SIPA1: variants seen among roughly 807,000 people sequenced by gnomAD.
SIPA1 encodes signal-induced proliferation-associated 1.
A neutral mutation model predicts 88.1 loss-of-function variants in SIPA1; 51 were observed. The observed-to-expected ratio is 0.58, with a 90% CI of 0.46 to 0.73. The LOEUF (loss-of-function observed/expected upper bound fraction) is 0.73. SIPA1 is among the 30% of genes least tolerant of loss of function. The pLI is 0.00. For missense variants in SIPA1, 1,348 were observed against 1,467.6 expected (o/e 0.92, Z 1.33); for synonymous variants, 681 against 664.8 (o/e 1.02, Z -0.37).
At chr11:65,650,251 C>A in intron 14 of SIPA1, 59 bp downstream of exon 14, 1 of 1,583,502 alleles carries the variant, frequency 6.3e-7, no homozygotes, top group Non-Finnish European at 8.7e-7. Flanking sequence ...CCCTTCGTGC[C>A]TGTCTGCTGG....
In SIPA1 at chr11:65,644,992, G is replaced by T. The variant is rs146916012; in HGVS notation, c.1022G>T (p.Arg341Leu). 1.2e-6 allele frequency: 2 copies of T among 1,613,792 alleles called. No homozygotes were observed. The highest frequency in any genetic ancestry group is 1.7e-5 in the Admixed American group (1 of 59,976). Residue 341 changes from arginine (R) to leucine (L), a missense_variant, in exon 5 of 16, where the codon CGG becomes CTG. Coordinates refer to ENST00000534313, the MANE Select transcript of SIPA1 (RefSeq NM_006747.4). Reference sequence around the variant, plus strand: ...CGCAAGGTGGGCATCCTGTACTGCCGGGCGGGCCAGGGCTCGGAGGAGGAG... The same window carrying T: ...CGCAAGGTGGGCATCCTGTACTGCCTGGCGGGCCAGGGCTCGGAGGAGGAG... ...FQRKVGILYCRAGQGSEEEMY... is the reference protein window; with the variant it reads ...FQRKVGILYCLAGQGSEEEMY...
Position 65,647,559 on chromosome 11 carries a change from T to A in SIPA1, c.2207T>A (p.Leu736Gln). ...CTCCTGCGCGTGTGCGGCCAGACTC[T>A]GCCCAGCCTCCGGCCCGAGGCCGCT... ...ARLLRVCGQT[L>Q]PSLRPEAAAQ... The change falls in exon 9 of 16, where the codon CTG becomes CAG. Residue 736 changes from leucine (L) to glutamine (Q), a missense_variant. Around this residue, in one of 4 missense-constraint regions of SIPA1, gnomAD observed 615 missense variants for 559.8 expected, o/e 1.10. Coordinates refer to ENST00000534313, the MANE Select transcript of SIPA1 (RefSeq NM_006747.4). 1 of 1,326,898 alleles carries A rather than the reference T, an allele frequency of 7.5e-7. No individual in the cohort carries two copies. The highest frequency in any genetic ancestry group is 9.6e-7 in the Non-Finnish European group (1 of 1,040,454). The allele number at this position is 1,326,898 out of a possible 1,614,324, so 82.2% of individuals were successfully genotyped here.
At chr11:65,641,708 C>A in intron 2 of SIPA1, 108 bp downstream of exon 2, 1 of 1,081,196 alleles carries the variant, frequency 9.2e-7, no homozygotes, top group Non-Finnish European at 1.3e-6. Flanking sequence ...CCTGTAAAGT[C>A]CCTGGCCCTG....
rs200729265 is a variant in SIPA1, at chr11:65,646,361, G to T, written c.1404G>T (p.Thr468=). ...TGGTGCGGGCACACACACCCTGCACGCCACACACCACCTACAGGTGGGCAC... is the reference window on the plus strand; with the variant it reads ...TGGTGCGGGCACACACACCCTGCACTCCACACACCACCTACAGGTGGGCAC... ...FLVVRAHTPC[T]PHTTYRVAVS... The change falls in exon 7 of 16, where the codon ACG becomes ACT. Residue 468 remains threonine, a synonymous_variant. Transcript: ENST00000534313. This position sits in a 1 kb window ranked among gnomAD's most constrained non-coding sequence, Gnocchi z 7.5. 1.9e-6 allele frequency: 3 copies of T among 1,611,744 alleles called. No homozygotes were observed. Among genetic ancestry groups the T allele is most frequent in the Non-Finnish European group, 2.5e-6 (3 of 1,179,972 alleles).
chr11:65,646,200 C>T lies in SIPA1; in HGVS notation c.1264-21C>T. 2 of 1,612,372 alleles carry T rather than the reference C, an allele frequency of 1.2e-6. No homozygotes were observed. Among genetic ancestry groups the T allele is most frequent in the Non-Finnish European group, 1.7e-6 (2 of 1,179,292 alleles). ...GGGGCACAGAAGACCTCATCACGAG[C>T]CCCTACTATCCAACCCCTAGCTCCT... On this transcript the variant is annotated intron_variant, in intron 6 of 15. Transcript: ENST00000534313. This position sits in a 1 kb window ranked among gnomAD's most constrained non-coding sequence, Gnocchi z 7.5.
chr11:65,642,196 G>A lies in SIPA1; in HGVS notation c.680-54G>A. ...CTTAGTGATGCGCGTGGTCGAGCGG[G>A]GGCGGGGCTGCCAGAGGGCGGGACC... is the stretch of plus-strand genomic sequence containing the variant. On this transcript the variant is annotated intron_variant, in intron 2 of 15. Transcript: ENST00000534313. This position sits in a 1 kb window ranked among gnomAD's most constrained non-coding sequence, Gnocchi z 6.5. 6.5e-7 allele frequency: 1 copy of A among 1,534,976 alleles called. No individual in the cohort carries two copies. The highest frequency in any genetic ancestry group is 8.8e-7 in the Non-Finnish European group (1 of 1,142,712).
chr11:65,640,985 G>T lies in SIPA1; in HGVS notation c.64G>T (p.Asp22Tyr). 6.3e-7 allele frequency: 1 copy of T among 1,584,888 alleles called. No homozygotes were observed. The highest frequency in any genetic ancestry group is 1.8e-5 in the Admixed American group (1 of 56,776). ...GGGCATGGCCCCTGCGTCCACAGAT[G>T]ACCTCTTTGCCCGCAAGCTGCGCCA... ...RRGMAPASTD[D>Y]LFARKLRQPA... Residue 22 changes from aspartate to tyrosine, a missense_variant, in exon 2 of 16, where the codon GAC becomes TAC. This residue lies in a region of SIPA1 where 641 missense variants were observed against 797.7 expected (regional missense o/e 0.80). Coordinates refer to ENST00000534313, the MANE Select transcript of SIPA1 (RefSeq NM_006747.4).
chr11:65,645,948 C>G lies in SIPA1; in HGVS notation c.1254C>G (p.Asn418Lys), dbSNP rs368831022. The stretch of plus-strand genomic sequence containing the variant: ...CGATGCTGCCTTACACCCCTAATAA[C>G]CAGCAGCAGGTGTGAGGGGGACCAA... ...VSTMLPYTPN[N>K]QQQLLRKRHI... Residue 418 changes from asparagine (N) to lysine (K), a missense_variant, in exon 6 of 16, where the codon AAC becomes AAG. By Grantham distance (94) the Asn-to-Lys change is moderately conservative. Coordinates refer to ENST00000534313, the MANE Select transcript of SIPA1 (RefSeq NM_006747.4). The G allele has an allele frequency of 9.5e-5, 153 of 1,611,132 alleles. 4 individuals are homozygous for G. The highest frequency in any genetic ancestry group is 5.1e-4 in the East Asian group (23 of 44,806).
Position 65,645,897 on chromosome 11 carries a change from C to G in SIPA1, c.1203C>G (p.Asp401Glu). 6.2e-7 allele frequency: 1 copy of G among 1,613,770 alleles called. No homozygotes were observed. The highest frequency in any genetic ancestry group is 8.5e-7 in the Non-Finnish European group (1 of 1,179,788). ...GTHSLYTTYQ[D>E]HEIMFHVSTM... ...ACTCCCTCTACACCACATACCAGGA[C>G]CACGAGATCATGTTCCACGTGTCCA... Residue 401 changes from aspartate to glutamate, a missense_variant, in exon 6 of 16, where the codon GAC (aspartate) becomes GAG (glutamate). Coordinates refer to ENST00000534313, the MANE Select transcript of SIPA1 (RefSeq NM_006747.4).
chr11:65,649,230 G>T (rs1364198554), intron 9 of SIPA1, 32 bp from the exon 10 acceptor site: 1 of 1,440,254 alleles, frequency 6.9e-7, no homozygotes, highest in Non-Finnish European at 9.3e-7. Context: ...GGGGACTGGA[G>T]AAGTCCTGCC....
Position 65,642,035 on chromosome 11 carries a change from G to T in SIPA1, c.680-215G>T, listed in dbSNP as rs1438756836. ...AGGCAGGATTTAGGCCTGGGAGCTG[G>T]CCGCGTGGGTCTAGGTCTGGGTCTG... On this transcript the variant is annotated intron_variant, in intron 2 of 15. Coordinates refer to ENST00000534313, the MANE Select transcript of SIPA1 (RefSeq NM_006747.4). This position sits in a 1 kb window ranked among gnomAD's most constrained non-coding sequence, Gnocchi z 6.5. The T allele has an allele frequency of 3.2e-6, 2 of 632,526 alleles. No homozygotes were observed. The highest frequency in any genetic ancestry group is 5.2e-6 in the Non-Finnish European group (2 of 381,138). The allele number at this position is 632,526 out of a possible 1,614,324, so 39.2% of individuals were successfully genotyped here.
rs1340660745 is a variant in SIPA1 at position 65,649,350 on chromosome 11, A to C, written c.2395A>C (p.Thr799Pro). 2.6e-6 allele frequency: 4 copies of C among 1,562,670 alleles called. No individual in the cohort carries two copies. Among genetic ancestry groups the C allele is most frequent in the Non-Finnish European group, 3.5e-6 (4 of 1,153,480 alleles). The change falls in exon 10 of 16, where the codon ACC (threonine) becomes CCC (proline). Residue 799 changes from threonine (T) to proline (P), a missense_variant. Thr to Pro is a conservative substitution (Grantham distance 38). Coordinates refer to ENST00000534313, the MANE Select transcript of SIPA1 (RefSeq NM_006747.4). Reference protein sequence around the residue: ...DPVQDEVQGVTLLPTTKQLLH... With the variant: ...DPVQDEVQGVPLLPTTKQLLH... ...TGTGCAGGATGAGGTCCAGGGGGTG[A>C]CCCTGCTGCCCACCACAAAGCAGCT... is the stretch of plus-strand genomic sequence containing the variant.
Position 65,646,182 on chromosome 11 carries a change from A to C in SIPA1, c.1264-39A>C. 2.5e-6 allele frequency: 4 copies of C among 1,607,656 alleles called. No individual in the cohort carries two copies. The highest frequency in any genetic ancestry group is 2.5e-6 in the Non-Finnish European group (3 of 1,176,872). Reference sequence around the variant, plus strand: ...CTGAATGAGGAGGGGTTTGGGGCACAGAAGACCTCATCACGAGCCCCTACT... The same window carrying C: ...CTGAATGAGGAGGGGTTTGGGGCACCGAAGACCTCATCACGAGCCCCTACT... On this transcript the variant is annotated intron_variant, in intron 6 of 15. Transcript: ENST00000534313. This position sits in a 1 kb window ranked among gnomAD's most constrained non-coding sequence, Gnocchi z 7.5.
intron 9 of SIPA1, among the ~76,000 whole-genome samples, chr11:65,649,039 T>C (rs920503492): frequency 6.6e-6 from 1 of 152,146 alleles, no homozygotes; most frequent in African/African-American, 2.4e-5. Context: ...GATGGAGAAA[T>C]TGATGTTCAG....
Position 65,647,037 on chromosome 11 carries a change from C to T in SIPA1, c.2003C>T (p.Ala668Val). The T allele has an allele frequency of 1.3e-6, 2 of 1,544,568 alleles. No homozygotes were observed. Among genetic ancestry groups the T allele is most frequent in the Non-Finnish European group, 1.7e-6 (2 of 1,151,798 alleles). ...TLRFDGSPGQAVGEVVARLQL... is the reference protein window; with the variant it reads ...TLRFDGSPGQVVGEVVARLQL... ...CGCTTCGACGGGTCCCCCGGCCAAG[C>T]CGTGGGCGAGGTGGTGGCGCGCCTG... Residue 668 changes from alanine (A) to valine (V), a missense_variant, in exon 8 of 16, where the codon GCC (alanine) becomes GTC (valine). Around this residue, in one of 4 missense-constraint regions of SIPA1, gnomAD observed 615 missense variants for 559.8 expected, o/e 1.10. Transcript: ENST00000534313.
Position 65,646,330 on chromosome 11 carries a change from T to C in SIPA1, c.1373T>C (p.Phe458Ser), listed in dbSNP as rs141741345. 6.2e-7 allele frequency: 1 copy of C among 1,613,698 alleles called. No homozygotes were observed. Among genetic ancestry groups the C allele is most frequent in the African/African-American group, 1.3e-5 (1 of 74,896 alleles). Residue 458 changes from phenylalanine to serine, a missense_variant, in exon 7 of 16, where the codon TTC (phenylalanine) becomes TCC (serine). Phe to Ser is a radical substitution (Grantham distance 155). Around this residue, in one of 4 missense-constraint regions of SIPA1, gnomAD observed 641 missense variants for 797.7 expected, o/e 0.80. Coordinates refer to ENST00000534313, the MANE Select transcript of SIPA1 (RefSeq NM_006747.4). The surrounding 1 kb of genome is among the most constrained non-coding windows in gnomAD (Gnocchi z 7.5). ...ATCCGCTCGCACTTCCAGCACGTGTTCCTAGTGGTGCGGGCACACACACCC... is the reference window on the plus strand; with the variant it reads ...ATCCGCTCGCACTTCCAGCACGTGTCCCTAGTGGTGCGGGCACACACACCC... ...TTIRSHFQHVFLVVRAHTPCT... is the reference protein window; with the variant it reads ...TTIRSHFQHVSLVVRAHTPCT...
rs1856110157 is a variant in SIPA1, at chr11:65,646,209, T to C, written c.1264-12T>C. 6.2e-7 allele frequency: 1 copy of C among 1,613,324 alleles called. No individual in the cohort carries two copies. On this transcript the variant is annotated splice_polypyrimidine_tract_variant and intron_variant, in intron 6 of 15. Transcript: ENST00000534313. This position sits in a 1 kb window ranked among gnomAD's most constrained non-coding sequence, Gnocchi z 7.5. ...AAGACCTCATCACGAGCCCCTACTA[T>C]CCAACCCCTAGCTCCTCCGGAAGCG... is the stretch of plus-strand genomic sequence containing the variant.
rs1856215862 is a variant in SIPA1 at position 65,649,605 on chromosome 11, ACCT to A, written c.2577_2579del (p.Leu860del). ...CCAGTCCTGCCCAACACCACCCCGG[ACCT>A]CCTCCTGGCCACCACAGCCAAGCCA... On this transcript the variant is annotated inframe_deletion, in exon 11 of 16. Transcript: ENST00000534313. The A allele has an allele frequency of 1.2e-6, 2 of 1,613,614 alleles. No homozygotes were observed. The highest frequency in any genetic ancestry group is 1.7e-6 in the Non-Finnish European group (2 of 1,179,898).
Position 65,650,903 on chromosome 11 carries a change from A to C in SIPA1, c.*188A>C. Reference sequence around the variant, plus strand: ...TGGAGAAAAGAGGACTTCAGGGAGTAAAAAAGCCACTGATGTCTGTGTCTG... The same window carrying C: ...TGGAGAAAAGAGGACTTCAGGGAGTCAAAAAGCCACTGATGTCTGTGTCTG... On this transcript the variant is annotated 3_prime_UTR_variant, in exon 16 of 16. Coordinates refer to ENST00000534313, the MANE Select transcript of SIPA1 (RefSeq NM_006747.4). 1 of 655,536 alleles carries C rather than the reference A, an allele frequency of 1.5e-6. No individual in the cohort carries two copies. The highest frequency in any genetic ancestry group is 2.5e-6 in the Non-Finnish European group (1 of 398,138). The allele number at this position is 655,536 out of a possible 1,614,324, so 40.6% of individuals were successfully genotyped here.
Sources: allele counts gnomAD v4.1 joint callset (sites outside exome capture counted in the v4.1 genomes callset), GRCh38; gene constraint gnomAD v4.1.1; regional missense constraint gnomAD v4.1.1; non-coding constraint Gnocchi (gnomAD v3.1); transcripts MANE v1.5; gene names NCBI Gene and HGNC (gene_info 2026-07-23, HGNC 2026-07-21).